The following SCGB2B2 variants were observed in gnomAD, a reference collection of about 807,000 sequenced individuals.
SCGB2B2 encodes secretoglobin-like protein.
A neutral mutation model predicts 7.6 loss-of-function variants in SCGB2B2; 11 were observed. The observed-to-expected ratio is 1.45, with a 90% confidence interval of 0.91 to 2.40. The LOEUF (loss-of-function observed/expected upper bound fraction) is 2.40, where lower values mean the gene tolerates loss of function less well. SCGB2B2 is among the 30% of genes most tolerant of loss of function. The probability of loss-of-function intolerance (pLI) is 0.00; values close to 1 mark genes in which losing one functional copy is unlikely to be tolerated. For synonymous variants in SCGB2B2, 50 were observed against 48.6 expected (o/e 1.03, Z -0.12); for missense variants, 104 against 115.4 (o/e 0.90, Z 0.45).
At chr19:34,612,836 C>G (rs568024219) in intron 1 of SCGB2B2, among the ~76,000 whole-genome samples, 1 of 152,116 alleles carries the variant, frequency 6.6e-6, no homozygotes, top group African/African-American at 2.4e-5. Flanking sequence ...TCTTTGTGTT[C>G]CAGTGTTGGG....
intron 1 of SCGB2B2, among the ~76,000 whole-genome samples, chr19:34,639,147 G>A (rs920893419): frequency 2.0e-5 from 3 of 152,116 alleles, no homozygotes; most frequent in African/African-American, 7.2e-5. Context: ...CATAATCTGT[G>A]GATAGCTTTA....
chr19:34,657,712 C>A (rs2067319767), intron 1 of SCGB2B2, among the ~76,000 whole-genome samples: 1 of 152,116 alleles, frequency 6.6e-6, no homozygotes, highest in Non-Finnish European at 1.5e-5. Flanking sequence ...ACAAGGATAT[C>A]CAGGACTTGA....
intron 1 of SCGB2B2, among the ~76,000 whole-genome samples, chr19:34,618,917 A>G (rs972001696): frequency 2.0e-5 from 3 of 152,264 alleles, no homozygotes; most frequent in African/African-American, 7.2e-5. Context: ...TCTAATGGCT[A>G]TAAAACAGAC....
At chr19:34,622,969 G>C (rs754008408) in intron 1 of SCGB2B2, among the ~76,000 whole-genome samples, 4 of 150,436 alleles carry the variant, frequency 2.7e-5, no homozygotes, top group Non-Finnish European at 5.9e-5. Context: ...TAGTTAATAG[G>C]TTTGGCTATA....
At chr19:34,618,983 C>G (rs2066167537) in intron 1 of SCGB2B2, among the ~76,000 whole-genome samples, 1 of 152,212 alleles carries the variant, frequency 6.6e-6, no homozygotes, top group Non-Finnish European at 1.5e-5. Context: ...AAACACATGG[C>G]AAACAGGTTC....
At chr19:34,658,200 A>G (rs10404339) in intron 1 of SCGB2B2, among the ~76,000 whole-genome samples, 48,894 of 151,984 alleles carry the variant, frequency 0.32, 8,278 homozygotes, top group Middle Eastern at 0.37. Flanking sequence ...GAGATTCAAG[A>G]GCAAACAAAT....
intron 1 of SCGB2B2, among the ~76,000 whole-genome samples, chr19:34,636,257 G>A (rs901169160): frequency 3.3e-5 from 5 of 152,184 alleles, no homozygotes; most frequent in African/African-American, 1.2e-4. Flanking sequence ...TCTTACAAAT[G>A]CAGGAACAAG....
intron 1 of SCGB2B2, among the ~76,000 whole-genome samples, chr19:34,670,077 G>C (rs1005980152): frequency 6.6e-6 from 1 of 152,132 alleles, no homozygotes; most frequent in Non-Finnish European, 1.5e-5. Context: ...GGGAGATATT[G>C]GCGTGGGGTG....
At chr19:34,668,529 T>C (rs2067704339) in intron 1 of SCGB2B2, among the ~76,000 whole-genome samples, 6 of 152,138 alleles carry the variant, frequency 3.9e-5, no homozygotes, top group Admixed American at 3.3e-4. Flanking sequence ...TGAGGAGTGC[T>C]GGTGCACGGC....
chr19:34,622,256 T>C (rs564525944), intron 1 of SCGB2B2, among the ~76,000 whole-genome samples: 5 of 152,318 alleles, frequency 3.3e-5, no homozygotes, highest in Admixed American at 1.3e-4. Flanking sequence ...TTTTGCTACA[T>C]AGAGACTGAA....
intron 1 of SCGB2B2, among the ~76,000 whole-genome samples, chr19:34,611,288 T>C (rs1324073584): frequency 1.3e-5 from 2 of 152,202 alleles, no homozygotes; most frequent in Admixed American, 6.5e-5. Context: ...CATTTTTTGA[T>C]CTCCTGTTTT....
intron 1 of SCGB2B2, among the ~76,000 whole-genome samples, chr19:34,664,020 C>A (rs1284742087): frequency 6.7e-6 from 1 of 149,086 alleles, no homozygotes; most frequent in African/African-American, 2.5e-5. Flanking sequence ...GGACTACTCC[C>A]CACTCAGCAC....
At chr19:34,618,164 G>A (rs1270648997) in intron 1 of SCGB2B2, among the ~76,000 whole-genome samples, 1 of 152,190 alleles carries the variant, frequency 6.6e-6, no homozygotes, top group Non-Finnish European at 1.5e-5. Context: ...TCCCCCGCAT[G>A]TGTCTTTATG....
rs927532013 is a variant in SCGB2B2 at position 34,591,703 on chromosome 19, A to T, written c.*1852T>A. Among the ~76,000 whole-genome samples, 1 of 151,916 alleles carries T rather than the reference A, an allele frequency of 6.6e-6. No individual in the cohort carries two copies. Among genetic ancestry groups the T allele is most frequent in the African/African-American group, 2.4e-5 (1 of 41,330 alleles). On this transcript the variant is annotated 3_prime_UTR_variant, in exon 4 of 4. Coordinates refer to ENST00000601241, the MANE Select transcript of SCGB2B2 (RefSeq NM_001025591.4). ...TCTCCAACACAACAAATCCTTTCTC[A>T]TCATGCCGCATTCCCTGCCCCAGAC...
intron 1 of SCGB2B2, among the ~76,000 whole-genome samples, chr19:34,626,211 C>G (rs148148083): frequency 6.6e-6 from 1 of 152,302 alleles, no homozygotes; most frequent in East Asian, 1.9e-4. Context: ...CTCTCCTCCT[C>G]CAAAGGAATG....
intron 1 of SCGB2B2, among the ~76,000 whole-genome samples, chr19:34,607,511 T>C (rs2065814814): frequency 6.6e-6 from 1 of 152,248 alleles, no homozygotes; most frequent in Admixed American, 6.5e-5. Context: ...TTTTAAGTTT[T>C]TGAGAAACCT....
chr19:34,612,476 C>T (rs2065959769), intron 1 of SCGB2B2, among the ~76,000 whole-genome samples: 1 of 152,170 alleles, frequency 6.6e-6, no homozygotes, highest in Admixed American at 6.5e-5. Context: ...AAGCATTTAT[C>T]CTTTGTGTTA....
intron 1 of SCGB2B2, among the ~76,000 whole-genome samples, chr19:34,630,708 A>T (rs2066505653): frequency 6.6e-6 from 1 of 152,188 alleles, no homozygotes; most frequent in South Asian, 2.1e-4. Flanking sequence ...CGGTGTGGCG[A>T]TTCCTCAGGG....
intron 1 of SCGB2B2, among the ~76,000 whole-genome samples, chr19:34,649,483 G>A (rs747943034): frequency 6.6e-6 from 1 of 151,908 alleles, no homozygotes; most frequent in Non-Finnish European, 1.5e-5. Flanking sequence ...CATCACTTTC[G>A]ATTTCTCTTT....
Sources: allele counts gnomAD v4.1 joint callset (sites outside exome capture counted in the v4.1 genomes callset), GRCh38; gene constraint gnomAD v4.1.1; transcripts MANE v1.5; gene names NCBI Gene and HGNC (gene_info 2026-07-23, HGNC 2026-07-21).